The following KHDRBS3 variants were observed in gnomAD, a reference collection of about 807,000 sequenced individuals.
The protein encoded by KHDRBS3 is KH domain-containing, RNA-binding, signal transduction-associated protein 3.
Under a neutral mutation model 45.6 loss-of-function variants are expected in KHDRBS3, and 23 were observed. The ratio of observed to expected loss-of-function variants is 0.50; its 90% CI spans 0.36 to 0.72. The LOEUF (loss-of-function observed/expected upper bound fraction) is 0.72. KHDRBS3 is among the 30% of genes least tolerant of loss of function. The pLI is 0.00. For synonymous variants in KHDRBS3, 162 were observed against 156.5 expected (o/e 1.04, Z -0.26); for missense variants, 352 against 424.8 (o/e 0.83, Z 1.51).
At chr8:135,458,460 T>C in intron 1 of KHDRBS3, 1 of 235,424 alleles carries the variant, frequency 4.2e-6, no homozygotes, top group Non-Finnish European at 8.4e-6. Context: ...TGGAAGAGGG[T>C]TGGGGTCAGA....
At chr8:135,525,846 C>T (rs1825156426) in intron 2 of KHDRBS3, among the ~76,000 whole-genome samples, 1 of 152,070 alleles carries the variant, frequency 6.6e-6, no homozygotes, top group Non-Finnish European at 1.5e-5. Context: ...TGATGATTAA[C>T]CTGAAACTAA....
intron 7 of KHDRBS3, among the ~76,000 whole-genome samples, chr8:135,608,509 G>C (rs1201047330): frequency 6.6e-6 from 1 of 152,166 alleles, no homozygotes. Flanking sequence ...TAGATGAGGA[G>C]ATCACATAAC....
At chr8:135,562,914 T>A (rs778557074) in intron 5 of KHDRBS3, among the ~76,000 whole-genome samples, 5 of 152,204 alleles carry the variant, frequency 3.3e-5, no homozygotes, top group Admixed American at 6.5e-5. Context: ...TAAATTGGCC[T>A]TCATATGATG....
At chr8:135,605,293 TC>T (rs1829407563) in intron 6 of KHDRBS3, among the ~76,000 whole-genome samples, 1 of 152,106 alleles carries the variant, frequency 6.6e-6, no homozygotes, top group African/African-American at 2.4e-5. Context: ...TTTGATGCTG[TC>T]CCATAGGTCT....
At chr8:135,652,778 C>T (rs574180800) in intron 4 of KHDRBS3, among the ~76,000 whole-genome samples, 1 of 152,296 alleles carries the variant, frequency 6.6e-6, no homozygotes, top group Non-Finnish European at 1.5e-5. Flanking sequence ...TGCAATACAG[C>T]ATCCTGAGAT....
At chr8:135,489,208 G>A (rs1370762236) in intron 1 of KHDRBS3, among the ~76,000 whole-genome samples, 1 of 151,996 alleles carries the variant, frequency 6.6e-6, no homozygotes, top group Non-Finnish European at 1.5e-5. Context: ...TGCCTTACTA[G>A]CTAGACTCTA....
intron 7 of KHDRBS3, among the ~76,000 whole-genome samples, chr8:135,635,128 A>G (rs2131156349): frequency 6.6e-6 from 1 of 152,304 alleles, no homozygotes; most frequent in South Asian, 2.1e-4. Flanking sequence ...AAAATTTATC[A>G]ATCATTAAAT....
At chr8:135,556,681 A>G (rs1178073254) in intron 4 of KHDRBS3, among the ~76,000 whole-genome samples, 7 of 152,118 alleles carry the variant, frequency 4.6e-5, no homozygotes, top group African/African-American at 7.2e-5. Context: ...CAAACTTACT[A>G]TTTCCTTTTT....
At chr8:135,482,109 T>G (rs1485350812) in intron 1 of KHDRBS3, among the ~76,000 whole-genome samples, 1 of 152,206 alleles carries the variant, frequency 6.6e-6, no homozygotes, top group Non-Finnish European at 1.5e-5. Flanking sequence ...GAATAAATGC[T>G]TTTCAGAATT....
chr8:135,598,498 C>T (rs1829069175), intron 6 of KHDRBS3, among the ~76,000 whole-genome samples: 1 of 152,140 alleles, frequency 6.6e-6, no homozygotes, highest in Non-Finnish European at 1.5e-5. Context: ...AAGACTGATG[C>T]AAGGAAGTTG....
At chr8:135,478,203 C>G (rs1476903782) in intron 1 of KHDRBS3, among the ~76,000 whole-genome samples, 2 of 152,194 alleles carry the variant, frequency 1.3e-5, no homozygotes, top group Admixed American at 1.3e-4. Flanking sequence ...ATCGGAGCCT[C>G]TAGAAGGAAT....
At chr8:135,642,676 C>T (rs575351786) in intron 7 of KHDRBS3, among the ~76,000 whole-genome samples, 42 of 152,264 alleles carry the variant, frequency 2.8e-4, no homozygotes, top group Non-Finnish European at 5.3e-4. Context: ...TCATAACCTC[C>T]GTGTTACACC....
At chr8:135,495,761 A>G (rs1430700221) in intron 1 of KHDRBS3, among the ~76,000 whole-genome samples, 1 of 152,138 alleles carries the variant, frequency 6.6e-6, no homozygotes, top group Non-Finnish European at 1.5e-5. Context: ...TCTATGGGCC[A>G]TCACTGGATG....
At chr8:135,591,508 A>G (rs866176662) in intron 6 of KHDRBS3, among the ~76,000 whole-genome samples, 10 of 152,298 alleles carry the variant, frequency 6.6e-5, no homozygotes, top group African/African-American at 2.2e-4. Context: ...CTCCAGCTTC[A>G]TGACTCACTA....
chr8:135,488,018 T>C (rs1349431282), intron 1 of KHDRBS3, among the ~76,000 whole-genome samples: 1 of 152,240 alleles, frequency 6.6e-6, no homozygotes. Context: ...AAATTGGTGC[T>C]GTGTGTGCAT....
intron 7 of KHDRBS3, among the ~76,000 whole-genome samples, chr8:135,637,229 T>A (rs184909496): frequency 2.6e-5 from 4 of 152,382 alleles, no homozygotes; most frequent in Non-Finnish European, 4.4e-5. Context: ...TTTCAAATCT[T>A]CAGTTATGTA....
rs900225849 is a variant in KHDRBS3, at chr8:135,611,698, G to A, written c.890+4661G>A. Among the ~76,000 whole-genome samples, 10 of 151,688 alleles carry A rather than the reference G, an allele frequency of 6.6e-5. 2 individuals carry two copies. The highest frequency in any genetic ancestry group is 2.1e-4 in the South Asian group (1 of 4,812). The stretch of plus-strand genomic sequence containing the variant: ...GATTGGATTAGAACCCACTCTAAAG[G>A]CCTCATTTCAATTTAAATCAGCTCT... On this transcript the variant is annotated intron_variant, in intron 7 of 8. Transcript: ENST00000355849.
chr8:135,557,637 T>G, intron 5 of KHDRBS3, 50 bp downstream of exon 5: 1 of 1,398,724 alleles, frequency 7.1e-7, no homozygotes, highest in Non-Finnish European at 1.0e-6. Flanking sequence ...GCAGTTTTAA[T>G]ATTTCCTTTA....
At chr8:135,597,748 A>T (rs1025852499) in intron 6 of KHDRBS3, among the ~76,000 whole-genome samples, 3 of 152,224 alleles carry the variant, frequency 2.0e-5, no homozygotes, top group East Asian at 1.9e-4. Flanking sequence ...AAAGATGTCC[A>T]TAAAAATCTG....
Sources: gnomAD v4.1 joint callset for allele counts (sites outside exome capture counted in the v4.1 genomes callset) on GRCh38, gnomAD v4.1.1 for gene constraint, MANE v1.5 for transcripts, NCBI Gene and HGNC (gene_info 2026-07-23, HGNC 2026-07-21) for gene names.